The following RANBP2 variants were observed in gnomAD, a reference collection of about 807,000 sequenced individuals.
RANBP2 encodes the protein RAN binding protein 2.
RANBP2 carries 57 observed loss-of-function variants against 303.6 expected under a neutral mutation model. The ratio of observed to expected loss-of-function variants is 0.19; its 90% confidence interval spans 0.15 to 0.23. The LOEUF is 0.23. RANBP2 is among the 10% of genes least tolerant of loss of function. The pLI is 1.00. For synonymous variants in RANBP2, 1,167 were observed against 1,301.5 expected (o/e 0.90, Z 2.23); for missense variants, 3,138 against 3,780.8 (o/e 0.83, Z 4.46).
chr2:109,595,264 C>T, the RANBP2 span, among the ~76,000 whole-genome samples: 9 of 152,304 alleles, frequency 5.9e-5, 1 homozygote, highest in Admixed American at 3.3e-4. Context: ...TTTAAAAGCA[C>T]GCAAAAGCTC....
chr2:108,934,970 G>A, the RANBP2 span, among the ~76,000 whole-genome samples: 2 of 152,222 alleles, frequency 1.3e-5, no homozygotes, highest in African/African-American at 4.8e-5. Flanking sequence ...CAGTTCAGGG[G>A]TTGTGAAGCC....
the RANBP2 span, among the ~76,000 whole-genome samples, chr2:109,259,986 C>G: frequency 1.3e-5 from 2 of 152,130 alleles, no homozygotes; most frequent in African/African-American, 4.8e-5. Context: ...CTTAGGTTCT[C>G]TTTTCTTCTC....
chr2:108,949,088 T>A, the RANBP2 span, among the ~76,000 whole-genome samples: 225 of 152,294 alleles, frequency 1.5e-3, no homozygotes, highest in African/African-American at 5.4e-3. Flanking sequence ...AGTGATTCTC[T>A]CACCTCAGCC....
the RANBP2 span, among the ~76,000 whole-genome samples, chr2:109,335,289 T>C: frequency 6.6e-6 from 1 of 152,220 alleles, no homozygotes; most frequent in African/African-American, 2.4e-5. Flanking sequence ...TAGCATGTTT[T>C]CTCAGGTGTC....
At chr2:108,883,171 A>G in the RANBP2 span, 2 of 152,182 alleles carry the variant, frequency 1.3e-5, no homozygotes, top group Non-Finnish European at 2.9e-5. Context: ...ACTTCTTGAA[A>G]TTTGCCCAAG....
the RANBP2 span, among the ~76,000 whole-genome samples, chr2:109,037,514 A>G: frequency 1.3e-5 from 2 of 152,134 alleles, no homozygotes; most frequent in Admixed American, 6.5e-5. Flanking sequence ...GAAAGAAATA[A>G]AACTGCCCTT....
At chr2:109,293,385 C>G in the RANBP2 span, among the ~76,000 whole-genome samples, 62 of 152,344 alleles carry the variant, frequency 4.1e-4, no homozygotes, top group African/African-American at 1.3e-3. Context: ...GGGGCTGCAG[C>G]CCTGTTCTCT....
At chr2:109,488,120 G>A in the RANBP2 span, among the ~76,000 whole-genome samples, 5 of 152,170 alleles carry the variant, frequency 3.3e-5, no homozygotes, top group South Asian at 2.1e-4. Context: ...AGTGGGCTCC[G>A]CCGGGACACC....
chr2:109,748,642 G>A, the RANBP2 span, among the ~76,000 whole-genome samples: 8 of 136,988 alleles, frequency 5.8e-5, no homozygotes, highest in African/African-American at 2.2e-4. Context: ...GGAGGCCGAG[G>A]CGGGCGGATT....
chr2:109,411,927 G>A, the RANBP2 span, among the ~76,000 whole-genome samples: 2 of 152,174 alleles, frequency 1.3e-5, no homozygotes, highest in Admixed American at 6.5e-5. Flanking sequence ...CAGTGAAGCC[G>A]GCAGAATGTC....
the RANBP2 span, chr2:109,129,241 C>G: frequency 8.8e-6 from 5 of 568,836 alleles, no homozygotes; most frequent in Non-Finnish European, 1.6e-5. Flanking sequence ...GCAGCACCCC[C>G]GGTCCCCCGC....
chr2:109,659,313 C>G, the RANBP2 span, among the ~76,000 whole-genome samples: 1 of 140,652 alleles, frequency 7.1e-6, no homozygotes, highest in Admixed American at 7.1e-5. Flanking sequence ...AGGCAGAGGT[C>G]GCAGTGAGCC....
chr2:108,846,544 G>A, the RANBP2 span, among the ~76,000 whole-genome samples: 1 of 151,306 alleles, frequency 6.6e-6, no homozygotes, highest in East Asian at 1.9e-4. Context: ...GAGTGTGGTA[G>A]TGAGTGCCTG....
At chr2:109,567,574 T>C in the RANBP2 span, among the ~76,000 whole-genome samples, 7 of 152,178 alleles carry the variant, frequency 4.6e-5, no homozygotes, top group African/African-American at 2.4e-5. Context: ...GTCTCACAAA[T>C]CTATCACTTT....
At chr2:108,809,155 A>T in the RANBP2 span, among the ~76,000 whole-genome samples, 1 of 152,116 alleles carries the variant, frequency 6.6e-6, no homozygotes, top group South Asian at 2.1e-4. Context: ...TGAGTTCTCT[A>T]TGCTGTTCCA....
At position 108,730,806 on chromosome 2, in the gene RANBP2, G is replaced by T. The variant is rs771708771; in HGVS notation, c.173G>T (p.Arg58Met). The stretch of plus-strand genomic sequence containing the variant: ...TGTACTTACATTAATGTGCAAGAGA[G>T]GGATCCCAAAGCTCACAGATTTCTG... ...YICTYINVQE[R>M]DPKAHRFLGL... Residue 58 changes from arginine (R) to methionine (M), a missense_variant, in exon 3 of 29, where the codon AGG (arginine) becomes ATG (methionine). Arg to Met is a moderately conservative substitution (Grantham distance 91, BLOSUM62 -1). Coordinates refer to ENST00000283195, the MANE Select transcript of RANBP2 (RefSeq NM_006267.5). 1.9e-6 allele frequency: 3 copies of T among 1,611,582 alleles called. No individual in the cohort carries two copies. The highest frequency in any genetic ancestry group is 1.7e-6 in the Non-Finnish European group (2 of 1,179,644).
Position 108,736,179 on chromosome 2 carries a change from G to T in RANBP2, c.712G>T (p.Ala238Ser). The T allele has an allele frequency of 6.2e-7, 1 of 1,611,906 alleles. No individual in the cohort carries two copies. Among genetic ancestry groups the T allele is most frequent in the Non-Finnish European group, 8.5e-7 (1 of 1,179,838 alleles). Reference sequence around the variant, plus strand: ...AGCAACCAATACAGACTTACTGCTGGCCTATGCTAATCTTATGCTTCTTAC... The same window carrying T: ...AGCAACCAATACAGACTTACTGCTGTCCTATGCTAATCTTATGCTTCTTAC... ...WRATNTDLLL[A>S]YANLMLLTLS... is the part of the protein sequence containing the mutation. Residue 238 changes from alanine to serine, a missense_variant, in exon 6 of 29, where the codon GCC (alanine) becomes TCC (serine). Coordinates refer to ENST00000283195, the MANE Select transcript of RANBP2 (RefSeq NM_006267.5).
At chr2:109,654,445 C>T in the RANBP2 span, among the ~76,000 whole-genome samples, 1 of 151,706 alleles carries the variant, frequency 6.6e-6, no homozygotes, top group Admixed American at 6.6e-5. Context: ...CATTTTTTTC[C>T]CTTTTCATTA....
At chr2:109,191,726 C>T in the RANBP2 span, among the ~76,000 whole-genome samples, 26 of 152,082 alleles carry the variant, frequency 1.7e-4, no homozygotes, top group Non-Finnish European at 3.1e-4. Context: ...GGTGCTGATG[C>T]GAGGGGAAGC....
Sources: allele counts gnomAD v4.1 joint callset (sites outside exome capture counted in the v4.1 genomes callset), GRCh38; gene constraint gnomAD v4.1.1; transcripts MANE v1.5; gene names NCBI Gene and HGNC (gene_info 2026-07-23, HGNC 2026-07-21).